The following FAM135B variants were observed in gnomAD, a reference collection of about 807,000 sequenced individuals.
The protein encoded by FAM135B is protein FAM135B.
A neutral mutation model predicts 127.7 loss-of-function variants in FAM135B; 43 were observed. The ratio of observed to expected loss-of-function variants is 0.34; its 90% CI spans 0.26 to 0.43. The LOEUF (loss-of-function observed/expected upper bound fraction) is 0.43, where lower values mean the gene tolerates loss of function less well. FAM135B is among the 20% of genes least tolerant of loss of function. The probability of loss-of-function intolerance (pLI) is 1.00; values close to 1 mark genes in which losing one functional copy is unlikely to be tolerated. For missense variants in FAM135B, 1,558 were observed against 1,725.6 expected (o/e 0.90, Z 1.72); for synonymous variants, 670 against 665.1 (o/e 1.01, Z -0.11).
chr8:138,366,985 G>GC (rs1178888795), intron 2 of FAM135B, among the ~76,000 whole-genome samples: 1 of 152,060 alleles, frequency 6.6e-6, no homozygotes, highest in East Asian at 1.9e-4. Context: ...CCAGCTGGGA[G>GC]CCCCAGACCT....
chr8:138,206,375 C>T (rs1317621105), intron 7 of FAM135B, among the ~76,000 whole-genome samples: 2 of 150,778 alleles, frequency 1.3e-5, no homozygotes, highest in African/African-American at 4.9e-5. Flanking sequence ...CTACCCACAA[C>T]TCTATCATCC....
chr8:138,410,529 C>T (rs945454593), intron 1 of FAM135B, among the ~76,000 whole-genome samples: 3 of 152,154 alleles, frequency 2.0e-5, no homozygotes, highest in African/African-American at 4.8e-5. Flanking sequence ...GAACTTAGGA[C>T]AAAATGCTCA....
At chr8:138,363,774 G>C (rs1191253090) in intron 2 of FAM135B, among the ~76,000 whole-genome samples, 1 of 152,112 alleles carries the variant, frequency 6.6e-6, no homozygotes, top group Non-Finnish European at 1.5e-5. Flanking sequence ...TTCCAACATA[G>C]CATCTTATAA....
chr8:138,158,051 G>A (rs200083503), intron 12 of FAM135B, among the ~76,000 whole-genome samples: 1 of 152,074 alleles, frequency 6.6e-6, no homozygotes, highest in Non-Finnish European at 1.5e-5. Context: ...TCAAGCTATA[G>A]TACAAGGCTA....
intron 5 of FAM135B, among the ~76,000 whole-genome samples, chr8:138,253,244 T>C (rs1414277778): frequency 6.6e-6 from 1 of 152,226 alleles, no homozygotes; most frequent in Non-Finnish European, 1.5e-5. Flanking sequence ...TCAGCAGAAC[T>C]ATTCAGGGCA....
At chr8:138,445,243 A>G (rs1836061221) in intron 1 of FAM135B, among the ~76,000 whole-genome samples, 1 of 152,254 alleles carries the variant, frequency 6.6e-6, no homozygotes, top group African/African-American at 2.4e-5. Flanking sequence ...AGCTGGTACC[A>G]TTCCTTCTGA....
chr8:138,395,715 G>C (rs1832813464), intron 1 of FAM135B, among the ~76,000 whole-genome samples: 1 of 152,090 alleles, frequency 6.6e-6, no homozygotes, highest in East Asian at 1.9e-4. Flanking sequence ...CTGTACTTTG[G>C]GGGCAGAAAG....
At chr8:138,414,515 G>C (rs1429890580) in intron 1 of FAM135B, among the ~76,000 whole-genome samples, 1 of 152,112 alleles carries the variant, frequency 6.6e-6, no homozygotes, top group Non-Finnish European at 1.5e-5. Context: ...GAAGAGAATA[G>C]TTTATCCTTA....
chr8:138,256,682 C>T lies in FAM135B; in HGVS notation c.368+7G>A, dbSNP rs1822116821. ...TACTACAATTCAATAATTTCCATGA[C>T]ACTCACTGCTGTTCACTGTCCGTAA... On this transcript the variant is annotated splice_region_variant and intron_variant, in intron 5 of 19. Transcript: ENST00000395297. 3 of 1,612,168 alleles carry T rather than the reference C, an allele frequency of 1.9e-6. No individual in the cohort carries two copies. The highest frequency in any genetic ancestry group is 2.5e-6 in the Non-Finnish European group (3 of 1,178,448).
chr8:138,411,980 G>A (rs1470712637), intron 1 of FAM135B, among the ~76,000 whole-genome samples: 1 of 152,088 alleles, frequency 6.6e-6, no homozygotes, highest in Non-Finnish European at 1.5e-5. Context: ...ACCAAATACC[G>A]TATGTTCTCA....
rs199938969 is a variant in FAM135B at position 138,152,343 on chromosome 8, C to T, written c.2132G>A (p.Arg711Gln). ...RSRALELPSD[R>Q]EVLHPFVRRH... ...TCGAACAAACGGGTGCAAGACTTCC[C>T]GATCACTGGGCAACTCCAGAGCCCT... The change falls in exon 13 of 20, where the codon CGG becomes CAG. Residue 711 changes from arginine (R) to glutamine (Q), a missense_variant. By Grantham distance (43) the Arg-to-Gln change is conservative. Transcript: ENST00000395297. 6.4e-5 allele frequency: 104 copies of T among 1,614,022 alleles called. 1 individual carries two copies. The highest frequency in any genetic ancestry group is 1.1e-4 in the African/African-American group (8 of 74,924).
At chr8:138,253,356 G>A (rs1396061086) in intron 5 of FAM135B, among the ~76,000 whole-genome samples, 1 of 152,156 alleles carries the variant, frequency 6.6e-6, no homozygotes, top group Non-Finnish European at 1.5e-5. Context: ...TTAGGATAAA[G>A]CAGGGTTTCC....
At chr8:138,281,466 T>TAAAA (rs5895509) in intron 3 of FAM135B, among the ~76,000 whole-genome samples, 1 of 147,968 alleles carries the variant, frequency 6.8e-6, no homozygotes, top group Non-Finnish European at 1.5e-5. Context: ...AGCATCAGTT[T>TAAAA]AAAAAAAAAA....
At chr8:138,438,740 G>A (rs1038206187) in intron 1 of FAM135B, 23 of 152,288 alleles carry the variant, frequency 1.5e-4, no homozygotes, top group African/African-American at 5.3e-4. Context: ...AGGCCAGGAT[G>A]ATCAGACATC....
intron 3 of FAM135B, among the ~76,000 whole-genome samples, chr8:138,292,851 T>C (rs1043571084): frequency 7.2e-5 from 11 of 152,004 alleles, no homozygotes; most frequent in Admixed American, 6.6e-4. Context: ...ACAGATTCAA[T>C]GCAATTCCTA....
Position 138,242,931 on chromosome 8 carries a change from A to G in FAM135B, c.669+11T>C. ...GAAAGTTTTGAAGCAACTGCCCCAC[A>G]CAGGCCTTACCTCTGAGGAAGTCGG... On this transcript the variant is annotated intron_variant, in intron 7 of 19. Transcript: ENST00000395297. This position sits in a 1 kb window ranked among gnomAD's most constrained non-coding sequence, Gnocchi z 9.6. 1.2e-6 allele frequency: 2 copies of G among 1,610,656 alleles called. No individual in the cohort carries two copies. The highest frequency in any genetic ancestry group is 1.7e-6 in the Non-Finnish European group (2 of 1,178,686).
chr8:138,488,630 T>G (rs1020945252), intron 1 of FAM135B, among the ~76,000 whole-genome samples: 1 of 151,872 alleles, frequency 6.6e-6, no homozygotes, highest in Non-Finnish European at 1.5e-5. Context: ...TAGTGTGCGT[T>G]TTTGTTTGTT....
intron 16 of FAM135B, 67 bp downstream of exon 16, chr8:138,142,945 A>C: frequency 1.2e-6 from 1 of 825,540 alleles, no homozygotes; most frequent in Non-Finnish European, 2.1e-6. Flanking sequence ...TATTGCTTTT[A>C]TACAGCAAAC....
At chr8:138,280,906 A>C (rs1010926745) in intron 3 of FAM135B, among the ~76,000 whole-genome samples, 2 of 152,138 alleles carry the variant, frequency 1.3e-5, no homozygotes, top group African/African-American at 4.8e-5. Context: ...AGGTGCAGAC[A>C]CAGTGAGTCA....
Sources: allele counts gnomAD v4.1 joint callset (sites outside exome capture counted in the v4.1 genomes callset), GRCh38; gene constraint gnomAD v4.1.1; non-coding constraint Gnocchi (gnomAD v3.1); transcripts MANE v1.5; gene names NCBI Gene and HGNC (gene_info 2026-07-23, HGNC 2026-07-21).